IRAK1BP1: variants seen among roughly 807,000 people sequenced by gnomAD.
IRAK1BP1 encodes the protein interleukin 1 receptor associated kinase 1 binding protein 1.
IRAK1BP1 carries 24 observed loss-of-function variants against 28.0 expected under a neutral mutation model. The observed-to-expected ratio is 0.86, with a 90% confidence interval of 0.62 to 1.20. The LOEUF is 1.20. Among genes scored for constraint, IRAK1BP1 ranks in the 50% most tolerant of loss-of-function variants. The probability of loss-of-function intolerance (pLI) is 0.00; values close to 1 mark genes in which losing one functional copy is unlikely to be tolerated. For synonymous variants in IRAK1BP1, 131 were observed against 116.3 expected (o/e 1.13, Z -0.81); for missense variants, 336 against 316.7 (o/e 1.06, Z -0.46).
the IRAK1BP1 span, among the ~76,000 whole-genome samples, chr6:78,952,333 C>A: frequency 6.7e-6 from 1 of 149,814 alleles, no homozygotes; most frequent in African/African-American, 2.5e-5. Flanking sequence ...GCAGGAGAAT[C>A]GCTTGAATCC....
chr6:78,878,268 C>A (rs544642003), intron 1 of IRAK1BP1, among the ~76,000 whole-genome samples: 1 of 152,168 alleles, frequency 6.6e-6, no homozygotes, highest in African/African-American at 2.4e-5. Flanking sequence ...ACACCTCATA[C>A]GTCTCAGAGG....
intron 4 of IRAK1BP1, among the ~76,000 whole-genome samples, chr6:78,921,738 C>T (rs147165567): frequency 1.6e-4 from 24 of 152,302 alleles, no homozygotes; most frequent in African/African-American, 4.3e-4. Context: ...TCCAGAGGAA[C>T]GATCAGGCAG....
chr6:78,917,699 G>T (rs1448197880), intron 4 of IRAK1BP1, among the ~76,000 whole-genome samples: 1 of 143,466 alleles, frequency 7.0e-6, no homozygotes, highest in African/African-American at 2.6e-5. Flanking sequence ...CATACAAAGA[G>T]AATTCCATCA....
downstream of IRAK1BP1, among the ~76,000 whole-genome samples, chr6:78,906,133 A>G (rs559527900): frequency 6.6e-6 from 1 of 152,312 alleles, no homozygotes; most frequent in East Asian, 1.9e-4. Flanking sequence ...TACATGAGAA[A>G]TTTGTTAAGT....
chr6:78,878,060 T>C (rs1771077564), intron 1 of IRAK1BP1, among the ~76,000 whole-genome samples: 1 of 151,790 alleles, frequency 6.6e-6, no homozygotes, highest in African/African-American at 2.4e-5. Context: ...AGACTCCACC[T>C]CTGGGGCAGG....
At position 78,867,749 on chromosome 6, in the gene IRAK1BP1, C is replaced by T; in HGVS notation, c.173C>T (p.Thr58Ile). ...TATREVQVSGTSEVSAGPDRA... is the reference protein window; with the variant it reads ...TATREVQVSGISEVSAGPDRA... Reference sequence around the variant, plus strand: ...ACCCGCGAGGTGCAAGTAAGCGGCACCTCAGAAGTGTCTGCGGGCCCTGAC... The same window carrying T: ...ACCCGCGAGGTGCAAGTAAGCGGCATCTCAGAAGTGTCTGCGGGCCCTGAC... Residue 58 changes from threonine to isoleucine, a missense_variant, in exon 1 of 4, where the codon ACC becomes ATC. Coordinates refer to ENST00000369940, the MANE Select transcript of IRAK1BP1 (RefSeq NM_001010844.4). 6.2e-7 allele frequency: 1 copy of T among 1,614,230 alleles called. No individual in the cohort carries two copies.
intron 1 of IRAK1BP1, among the ~76,000 whole-genome samples, 185 bp from the exon 2 acceptor site, chr6:78,885,193 T>G (rs1250508822): frequency 1.3e-5 from 2 of 152,134 alleles, no homozygotes; most frequent in Non-Finnish European, 2.9e-5. Flanking sequence ...TTATGAAATT[T>G]TAAGCAAAAT....
intron 4 of IRAK1BP1, among the ~76,000 whole-genome samples, chr6:78,914,431 G>T (rs1772504482): frequency 6.6e-6 from 1 of 152,096 alleles, no homozygotes; most frequent in Admixed American, 6.6e-5. Flanking sequence ...CAGGGTTATT[G>T]GTAGACAGAC....
intron 4 of IRAK1BP1, among the ~76,000 whole-genome samples, chr6:78,926,650 T>C (rs1198591594): frequency 6.6e-6 from 1 of 152,114 alleles, no homozygotes; most frequent in Non-Finnish European, 1.5e-5. Context: ...ATTCATTGTT[T>C]CAATTTTTTT....
At chr6:78,894,055 T>C (rs1771793830) in intron 2 of IRAK1BP1, among the ~76,000 whole-genome samples, 1 of 152,226 alleles carries the variant, frequency 6.6e-6, no homozygotes, top group African/African-American at 2.4e-5. Context: ...TGAAATGATA[T>C]GCTAGCTCTT....
At chr6:78,919,848 A>T (rs1772671452) in intron 4 of IRAK1BP1, among the ~76,000 whole-genome samples, 1 of 152,204 alleles carries the variant, frequency 6.6e-6, no homozygotes, top group African/African-American at 2.4e-5. Context: ...ACAGCATGAG[A>T]AAAGCTGGAA....
At chr6:78,970,547 A>G in the IRAK1BP1 span, among the ~76,000 whole-genome samples, 2 of 152,316 alleles carry the variant, frequency 1.3e-5, no homozygotes, top group African/African-American at 4.8e-5. Flanking sequence ...AATTTTCACT[A>G]TAACTAAATT....
chr6:78,905,897 G>C (rs1395883990), downstream of IRAK1BP1, among the ~76,000 whole-genome samples: 1 of 152,142 alleles, frequency 6.6e-6, no homozygotes, highest in Non-Finnish European at 1.5e-5. Flanking sequence ...CACCGTACCT[G>C]ACCTAGAAAT....
intron 2 of IRAK1BP1, among the ~76,000 whole-genome samples, chr6:78,889,214 T>A (rs1771541844): frequency 6.6e-6 from 1 of 151,980 alleles, no homozygotes; most frequent in African/African-American, 2.4e-5. Context: ...CATGAAATTC[T>A]TTATCTACCT....
intron 1 of IRAK1BP1, among the ~76,000 whole-genome samples, chr6:78,876,836 G>A (rs950860573): frequency 3.9e-5 from 6 of 152,100 alleles, no homozygotes; most frequent in African/African-American, 1.4e-4. Flanking sequence ...CCAGGCATTG[G>A]CAGATGTCCC....
rs58309147 is a variant in IRAK1BP1 at position 78,883,960 on chromosome 6, A to C, written c.316-1418A>C. ...AAGGTTGGATACTATCTATGGTTTC[A>C]GGTATCTGCTGGAGGTCTTGGAATT... On this transcript the variant is annotated intron_variant, in intron 1 of 3. Coordinates refer to ENST00000369940, the MANE Select transcript of IRAK1BP1 (RefSeq NM_001010844.4). 5.4e-3 allele frequency among the ~76,000 whole-genome samples: 820 copies of C among 152,234 alleles called. 7 individuals carry two copies. Among genetic ancestry groups the C allele is most frequent in the Middle Eastern group, 0.034 (10 of 292 alleles).
intron 4 of IRAK1BP1, chr6:78,945,326 G>C (rs1189684322): frequency 6.2e-7 from 1 of 1,612,922 alleles, no homozygotes; most frequent in Non-Finnish European, 8.5e-7. Flanking sequence ...TGATGACTTT[G>C]AAAGAGTGGA....
chr6:78,946,883 GAA>G (rs369427137), downstream of IRAK1BP1: 26 of 1,308,948 alleles, frequency 2.0e-5, no homozygotes, highest in Admixed American at 8.3e-5. Flanking sequence ...ATCTGTGAGG[GAA>G]AAAAAAAAGT....
chr6:78,878,513 A>G (rs968242397), intron 1 of IRAK1BP1, among the ~76,000 whole-genome samples: 1 of 152,228 alleles, frequency 6.6e-6, no homozygotes, highest in African/African-American at 2.4e-5. Context: ...ATCAAAGACC[A>G]AAGGTAGATC....
Sources: allele counts gnomAD v4.1 joint callset (sites outside exome capture counted in the v4.1 genomes callset), GRCh38; gene constraint gnomAD v4.1.1; transcripts MANE v1.5; gene names NCBI Gene and HGNC (gene_info 2026-07-23, HGNC 2026-07-21).